The following ZNF808 variants were observed in gnomAD, a reference collection of about 807,000 sequenced individuals.
ZNF808 encodes zinc finger protein 808.
Under a neutral mutation model 8.7 loss-of-function variants are expected in ZNF808, and 5 were observed. The observed-to-expected ratio is 0.58, with a 90% confidence interval of 0.30 to 1.21. The LOEUF (loss-of-function observed/expected upper bound fraction) is 1.21, where lower values mean the gene tolerates loss of function less well. Ranked by LOEUF, ZNF808 falls within the 50% of genes most tolerant of loss-of-function variation. The probability of loss-of-function intolerance (pLI) is 0.07; values close to 1 mark genes in which losing one functional copy is unlikely to be tolerated. For synonymous variants in ZNF808, 380 were observed against 366.0 expected, an observed-to-expected ratio of 1.04 and a Z score of -0.44; for missense variants, 1,103 against 1,098.4, an observed-to-expected ratio of 1.00 and a Z score of -0.06.
chr19:52,568,513 G>C (rs185016210), downstream of ZNF808, among the ~76,000 whole-genome samples: 1 of 152,258 alleles, frequency 6.6e-6, no homozygotes, highest in East Asian at 1.9e-4. Flanking sequence ...CCTTCTTATG[G>C]AGTGATAATG....
intron 2 of ZNF808, 73 bp from the exon 3 acceptor site, chr19:52,543,193 G>A (rs1291407633): frequency 4.1e-5 from 61 of 1,494,110 alleles, no homozygotes; most frequent in Middle Eastern, 1.8e-4. Context: ...GACATCTCCC[G>A]GTTCATGTGG....
intron 3 of ZNF808, among the ~76,000 whole-genome samples, chr19:52,544,021 T>C (rs1023630595): frequency 2.6e-5 from 4 of 152,042 alleles, no homozygotes; most frequent in Admixed American, 2.0e-4. Flanking sequence ...TAGCTGCATG[T>C]GGTGGTGCAT....
rs112328240 is a variant in ZNF808 at position 52,555,579 on chromosome 19, C to G, written c.2663C>G (p.Ser888Ter). 747 of 1,611,940 alleles carry G rather than the reference C, an allele frequency of 4.6e-4. 4 individuals carry two copies. Among genetic ancestry groups the G allele is most frequent in the Non-Finnish European group, 5.9e-4 (695 of 1,179,108 alleles). ...TGTGGCAAAGCCTTTAGTGACCGGT[C>G]AACACTTATTCACCATCAGGCAATT... ...NECGKAFSDR[S>*]TLIHHQAIHG... Residue 888 changes from serine (S) to a stop codon, truncating the protein, a stop_gained, in exon 5 of 5, where the codon TCA becomes TGA. Coordinates refer to ENST00000359798, the MANE Select transcript of ZNF808 (RefSeq NM_001039886.4). LOFTEE classifies it low-confidence loss of function (END_TRUNC).
intron 4 of ZNF808, among the ~76,000 whole-genome samples, chr19:52,548,194 A>G (rs34529833): frequency 0.053 from 8,016 of 152,218 alleles, 252 homozygotes; most frequent in Middle Eastern, 0.14. Flanking sequence ...CCTCATATGT[A>G]TGAGGCTCTT....
chr19:52,536,538 A>T (rs917731380), intron 2 of ZNF808, among the ~76,000 whole-genome samples: 41 of 152,058 alleles, frequency 2.7e-4, no homozygotes, highest in African/African-American at 8.7e-4. Flanking sequence ...GCTGCTCCCC[A>T]ATTCTTCCCT....
intron 3 of ZNF808, among the ~76,000 whole-genome samples, chr19:52,545,464 C>G (rs2059711798): frequency 6.6e-6 from 1 of 152,072 alleles, no homozygotes; most frequent in Non-Finnish European, 1.5e-5. Flanking sequence ...TCATTGTTGT[C>G]AACTATCACA....
At chr19:52,564,157 C>T (rs867261251) in exon 4 of ZNF808, 4 of 719,126 alleles carry the variant, frequency 5.6e-6, no homozygotes, top group Middle Eastern at 3.3e-4. Flanking sequence ...CCAGTGGATT[C>T]GAATGAAAAC....
chr19:52,555,197 A>G lies in ZNF808; in HGVS notation c.2281A>G (p.Lys761Glu), dbSNP rs1475842906. 1 of 1,614,120 alleles carries G rather than the reference A, an allele frequency of 6.2e-7. No homozygotes were observed. Among genetic ancestry groups the G allele is most frequent in the Non-Finnish European group, 8.5e-7 (1 of 1,180,012 alleles). ...LCHRRLHSGE[K>E]PYKCNDCGNT... ...CCATCGTAGACTTCATAGTGGTGAG[A>G]AACCTTACAAGTGTAACGACTGTGG... The change falls in exon 5 of 5, where the codon AAA becomes GAA. Residue 761 changes from lysine to glutamate, a missense_variant. Physicochemically the swap from Lys to Glu is moderately conservative, Grantham distance 56. Transcript: ENST00000359798.
intron 2 of ZNF808, among the ~76,000 whole-genome samples, chr19:52,542,025 G>A (rs1248966543): frequency 3.3e-5 from 5 of 152,104 alleles, no homozygotes; most frequent in Non-Finnish European, 7.3e-5. Context: ...TTATTTGTAA[G>A]TGTTGTAATT....
intron 3 of ZNF808, among the ~76,000 whole-genome samples, chr19:52,563,162 A>G (rs1023169470): frequency 1.3e-5 from 2 of 152,150 alleles, no homozygotes; most frequent in Non-Finnish European, 2.9e-5. Context: ...TTCAGTTCTT[A>G]TAGTGTGTGC....
Position 52,554,082 on chromosome 19 carries a change from A to G in ZNF808, c.1166A>G (p.His389Arg), listed in dbSNP as rs371071301. ...GCGTGTCATTCCTATCTGGCAAACC[A>G]TACTAGAATTCATAGTGGAGAGAAA... is the stretch of plus-strand genomic sequence containing the variant. The part of the protein sequence containing the change: ...AFACHSYLAN[H>R]TRIHSGEKTY... The change falls in exon 5 of 5, where the codon CAT (histidine) becomes CGT (arginine). Residue 389 changes from histidine (H) to arginine (R), a missense_variant. By Grantham distance (29) the His-to-Arg change is conservative (BLOSUM62 0). Transcript: ENST00000359798. The G allele has an allele frequency of 6.2e-7, 1 of 1,614,166 alleles. No homozygotes were observed. The highest frequency in any genetic ancestry group is 8.5e-7 in the Non-Finnish European group (1 of 1,180,012).
Position 52,534,617 on chromosome 19 carries a change from T to C in ZNF808, c.-20+1608T>C, listed in dbSNP as rs149750245. Among the ~76,000 whole-genome samples the C allele has an allele frequency of 5.5e-3, 835 of 152,288 alleles. 9 individuals carry two copies. The highest frequency in any genetic ancestry group is 0.01 in the Middle Eastern group (3 of 294). On this transcript the variant is annotated intron_variant, in intron 2 of 4. Transcript: ENST00000359798. ...TAAAGAATATTTCCTGGGCCAGGCA[T>C]GGTGACTCACGAGTGTAATCCCAGC...
chr19:52,555,066 G>A lies in ZNF808; in HGVS notation c.2150G>A (p.Ser717Asn), dbSNP rs1352033511. The A allele has an allele frequency of 6.8e-6, 11 of 1,613,918 alleles. No individual in the cohort carries two copies. Among genetic ancestry groups the A allele is most frequent in the Non-Finnish European group, 9.3e-6 (11 of 1,180,028 alleles). The change falls in exon 5 of 5, where the codon AGT (serine) becomes AAT (asparagine). Residue 717 changes from serine to asparagine, a missense_variant. Ser to Asn is a conservative substitution (Grantham distance 46). Transcript: ENST00000359798. ...TGTAATGAGTGCAGCAAGACCTTCA[G>A]TAACAGGTCATCCCTTGTATGCCAT... ...YKCNECSKTF[S>N]NRSSLVCHRR... is the part of the protein sequence containing the mutation.
At chr19:52,544,399 C>T (rs1431684404) in intron 3 of ZNF808, among the ~76,000 whole-genome samples, 6 of 151,904 alleles carry the variant, frequency 3.9e-5, no homozygotes, top group Non-Finnish European at 7.4e-5. Context: ...GGTACGATCT[C>T]GGCTCTCTGC....
At chr19:52,567,238 C>A (rs190080349), downstream of ZNF808, among the ~76,000 whole-genome samples, 4 of 152,068 alleles carry the variant, frequency 2.6e-5, no homozygotes, top group East Asian at 7.8e-4. Flanking sequence ...AGGCGGGAGC[C>A]AATGCAACCG....
intron 4 of ZNF808, among the ~76,000 whole-genome samples, chr19:52,550,229 GT>G (rs57744050): frequency 5.6e-4 from 81 of 144,534 alleles, no homozygotes; most frequent in African/African-American, 8.8e-4. Flanking sequence ...TCCAGGGTTG[GT>G]TTTTTTTTTT....
chr19:52,529,587 A>T (rs2059542008), intron 1 of ZNF808, among the ~76,000 whole-genome samples: 2 of 152,186 alleles, frequency 1.3e-5, no homozygotes, highest in African/African-American at 2.4e-5. Flanking sequence ...TCCACTTGGA[A>T]TCCCTATTCA....
downstream of ZNF808, among the ~76,000 whole-genome samples, chr19:52,565,772 GC>G (rs2059871675): frequency 6.6e-6 from 1 of 152,160 alleles, no homozygotes; most frequent in African/African-American, 2.4e-5. Flanking sequence ...TGACCTGGAA[GC>G]CCGCAATTCC....
intron 2 of ZNF808, among the ~76,000 whole-genome samples, chr19:52,534,743 G>T (rs2059589455): frequency 6.6e-6 from 1 of 151,778 alleles, no homozygotes; most frequent in Non-Finnish European, 1.5e-5. Context: ...ATGAAAGTTA[G>T]CTGGGCATGG....
Sources: allele counts gnomAD v4.1 joint callset (sites outside exome capture counted in the v4.1 genomes callset), GRCh38; gene constraint gnomAD v4.1.1; transcripts MANE v1.5; gene names NCBI Gene and HGNC (gene_info 2026-07-23, HGNC 2026-07-21).